DACH1: variants seen among roughly 807,000 people sequenced by gnomAD.
DACH1 encodes dachshund homolog 1.
A neutral mutation model predicts 54.2 loss-of-function variants in DACH1; 12 were observed. The observed-to-expected ratio is 0.22, with a 90% CI of 0.14 to 0.36. The LOEUF is 0.36. Among genes scored for constraint, DACH1 ranks in the 10% least tolerant of loss-of-function variants. DACH1 has a pLI of 1.00. For missense variants in DACH1, 805 were observed against 929.8 expected, an observed-to-expected ratio of 0.87 and a Z score of 1.75; for synonymous variants, 386 against 366.2, an observed-to-expected ratio of 1.05 and a Z score of -0.62.
intron 6 of DACH1, among the ~76,000 whole-genome samples, chr13:71,515,461 T>C (rs1881087465): frequency 6.6e-6 from 1 of 151,984 alleles, no homozygotes; most frequent in Non-Finnish European, 1.5e-5. Context: ...TCTTTCTGCA[T>C]ATATACATAT....
intron 1 of DACH1, among the ~76,000 whole-genome samples, chr13:71,858,612 G>T (rs1198901107): frequency 2.0e-5 from 3 of 151,550 alleles, no homozygotes; most frequent in Non-Finnish European, 4.4e-5. Context: ...TCACCACGTT[G>T]TACAACATTT....
At chr13:71,790,539 G>C (rs1886791611) in intron 1 of DACH1, among the ~76,000 whole-genome samples, 1 of 152,084 alleles carries the variant, frequency 6.6e-6, no homozygotes, top group Non-Finnish European at 1.5e-5. Context: ...GTTTAAAAAG[G>C]CCTTCTAAAA....
At chr13:71,580,887 G>A (rs946808418) in intron 3 of DACH1, among the ~76,000 whole-genome samples, 3 of 152,000 alleles carry the variant, frequency 2.0e-5, no homozygotes, top group Non-Finnish European at 4.4e-5. Context: ...TACCTCAGCT[G>A]CTGTAATCAA....
At chr13:71,700,318 G>A in intron 1 of DACH1, among the ~76,000 whole-genome samples, 1 of 152,156 alleles carries the variant, frequency 6.6e-6, no homozygotes, top group East Asian at 1.9e-4. Flanking sequence ...AGCACTTTGG[G>A]AGTCCGAGTT....
chr13:71,606,604 C>A (rs1874900454), intron 3 of DACH1, among the ~76,000 whole-genome samples: 1 of 151,944 alleles, frequency 6.6e-6, no homozygotes, highest in African/African-American at 2.4e-5. Flanking sequence ...AAGCACTTTT[C>A]TCTTGTATGC....
rs1298613543 is a variant in DACH1 at position 71,763,179 on chromosome 13, TTAAG to T, written c.849-81273_849-81270del. ...TCACTGATTCCTTATGACTGCTTTA[TTAAG>T]TAAGTATTATATGTTTATATTCATT... is the stretch of plus-strand genomic sequence containing the variant. On this transcript the variant is annotated intron_variant, in intron 1 of 10. Transcript: ENST00000613252. 2.7e-4 allele frequency among the ~76,000 whole-genome samples: 41 copies of T among 152,320 alleles called. No individual in the cohort carries two copies. The East Asian group carries it at 3.5e-3, about 13-fold the overall frequency.
rs1878767861 is a variant in DACH1 at position 71,489,011 on chromosome 13, G to T, written c.1708C>A (p.Leu570Met). Reference sequence around the variant, plus strand: ...AAAAGGCCTACCTGTATGTTAGTCAGAAGAGTCTCGATGGAAGACAGTCCA... The same window carrying T: ...AAAAGGCCTACCTGTATGTTAGTCATAAGAGTCTCGATGGAAGACAGTCCA... Reference protein sequence around the residue: ...PDGLSSIETLLTNIQGLLKVA... With the variant: ...PDGLSSIETLMTNIQGLLKVA... The change falls in exon 7 of 11, where the codon CTG becomes ATG. Residue 570 changes from leucine to methionine, a missense_variant. This residue lies in a region of DACH1 where 472 missense variants were observed against 545.3 expected (regional missense o/e 0.87). Transcript: ENST00000613252. 6.2e-7 allele frequency: 1 copy of T among 1,613,634 alleles called. No homozygotes were observed. The highest frequency in any genetic ancestry group is 8.5e-7 in the Non-Finnish European group (1 of 1,179,722).
chr13:71,603,541 C>T (rs376168342), intron 3 of DACH1, among the ~76,000 whole-genome samples: 2 of 151,908 alleles, frequency 1.3e-5, no homozygotes, highest in East Asian at 3.9e-4. Flanking sequence ...AATAAACCAC[C>T]TCTCTGCAGA....
At chr13:71,495,502 G>T (rs1879333501) in intron 6 of DACH1, among the ~76,000 whole-genome samples, 1 of 151,976 alleles carries the variant, frequency 6.6e-6, no homozygotes, top group South Asian at 2.1e-4. Context: ...TTAAGGGTTG[G>T]TGCCTAAAAA....
At chr13:71,700,225 A>G (rs76660418) in intron 1 of DACH1, among the ~76,000 whole-genome samples, 6,048 of 152,232 alleles carry the variant, frequency 0.04, 382 homozygotes, top group African/African-American at 0.14. Context: ...AAAGAAAAAA[A>G]TTGATCTTAG....
At chr13:71,645,173 G>C (rs1307057897) in intron 2 of DACH1, among the ~76,000 whole-genome samples, 3 of 152,144 alleles carry the variant, frequency 2.0e-5, no homozygotes, top group African/African-American at 7.2e-5. Context: ...TCCAAGTTTA[G>C]GAGGGGAAGC....
At chr13:71,796,440 G>A (rs1232462334) in intron 1 of DACH1, among the ~76,000 whole-genome samples, 1 of 151,900 alleles carries the variant, frequency 6.6e-6, no homozygotes, top group Non-Finnish European at 1.5e-5. Flanking sequence ...AAATTTGGCT[G>A]GTGACAAAGC....
intron 1 of DACH1, among the ~76,000 whole-genome samples, chr13:71,781,554 A>G (rs1218480485): frequency 1.3e-5 from 2 of 151,566 alleles, no homozygotes; most frequent in African/African-American, 2.4e-5. Flanking sequence ...AATTTTTTCT[A>G]TTTTTAGTAG....
Position 71,489,052 on chromosome 13 carries a change from G to T in DACH1, c.1667C>A (p.Pro556His). ...AGACAGTCCATCAGGAAACAGAAAA[G>T]GAGATGGAAAACCTGGAGGCAGTGG... Reference protein sequence around the residue: ...GQPLPPGFPSPFLFPDGLSSI... With the variant: ...GQPLPPGFPSHFLFPDGLSSI... Residue 556 changes from proline (P) to histidine (H), a missense_variant, in exon 7 of 11, where the codon CCT (proline) becomes CAT (histidine). Pro to His is a moderately conservative substitution (Grantham distance 77). Transcript: ENST00000613252. 1 of 1,613,868 alleles carries T rather than the reference G, an allele frequency of 6.2e-7. No homozygotes were observed. The highest frequency in any genetic ancestry group is 8.5e-7 in the Non-Finnish European group (1 of 1,179,856).
chr13:71,469,092 A>C (rs942671515), intron 10 of DACH1, among the ~76,000 whole-genome samples: 8 of 152,184 alleles, frequency 5.3e-5, no homozygotes, highest in African/African-American at 1.9e-4. Flanking sequence ...AAGGACTTTG[A>C]AGTCATAAAT....
chr13:71,722,753 G>A (rs1050311344), intron 1 of DACH1, among the ~76,000 whole-genome samples: 6 of 152,194 alleles, frequency 3.9e-5, no homozygotes, highest in South Asian at 2.1e-4. Context: ...GAAGGTACAG[G>A]TTTCAGTTTT....
chr13:71,786,635 A>G (rs931034676), intron 1 of DACH1, among the ~76,000 whole-genome samples: 1 of 152,146 alleles, frequency 6.6e-6, no homozygotes, highest in Non-Finnish European at 1.5e-5. Context: ...TAATCATATA[A>G]GAATGGCTAA....
chr13:71,814,049 G>A (rs1352888632), intron 1 of DACH1, among the ~76,000 whole-genome samples: 2 of 152,286 alleles, frequency 1.3e-5, no homozygotes, highest in South Asian at 2.1e-4. Flanking sequence ...AATTGATTAT[G>A]AGCCTGTCAA....
At chr13:71,654,043 A>G (rs1362125550) in intron 2 of DACH1, among the ~76,000 whole-genome samples, 1 of 152,194 alleles carries the variant, frequency 6.6e-6, no homozygotes, top group Non-Finnish European at 1.5e-5. Context: ...ACAAGCATAC[A>G]CTATTTTAAA....
Sources: allele counts gnomAD v4.1 joint callset (sites outside exome capture counted in the v4.1 genomes callset), GRCh38; gene constraint gnomAD v4.1.1; regional missense constraint gnomAD v4.1.1; transcripts MANE v1.5; gene names NCBI Gene and HGNC (gene_info 2026-07-23, HGNC 2026-07-21).